Variants in CORIN observed in about 807,000 individuals in gnomAD.
CORIN encodes corin, serine peptidase.
A neutral mutation model predicts 125.3 loss-of-function variants in CORIN; 117 were observed. That is an observed-to-expected ratio of 0.93 (90% confidence interval 0.80 to 1.09). The LOEUF is 1.09. CORIN is among the 50% of genes least tolerant of loss of function. The pLI is 0.00. For missense variants in CORIN, 1,253 were observed against 1,306.7 expected (o/e 0.96, Z 0.63); for synonymous variants, 450 against 466.4 (o/e 0.96, Z 0.45).
intron 4 of CORIN, among the ~76,000 whole-genome samples, chr4:47,750,314 T>A (rs1005155027): frequency 1.3e-5 from 2 of 152,132 alleles, no homozygotes; most frequent in Admixed American, 1.3e-4. Context: ...TTGTCTCCCA[T>A]CAGAAGATAA....
At position 47,641,993 on chromosome 4, in the gene CORIN, T is replaced by C; in HGVS notation, c.2125A>G (p.Thr709Ala). ...SSFLMVHRAA[T>A]EHHVCADGWQ... ...CCATCTGCACACACATGGTGTTCTG[T>C]GGCAGCTCTGTGAACCATCAGAAAG... The change falls in exon 16 of 22, where the codon ACA (threonine) becomes GCA (alanine). Residue 709 changes from threonine to alanine, a missense_variant. By Grantham distance (58) the Thr-to-Ala change is moderately conservative. Coordinates refer to ENST00000273857, the MANE Select transcript of CORIN (RefSeq NM_006587.4). 6.2e-7 allele frequency: 1 copy of C among 1,613,664 alleles called. No individual in the cohort carries two copies. The highest frequency in any genetic ancestry group is 8.5e-7 in the Non-Finnish European group (1 of 1,179,670).
intron 5 of CORIN, among the ~76,000 whole-genome samples, chr4:47,740,817 T>A (rs1371996726): frequency 6.6e-6 from 1 of 151,978 alleles, no homozygotes; most frequent in East Asian, 1.9e-4. Context: ...TGGCCAATTG[T>A]TTTTTAACAA....
rs866381306 is a variant in CORIN at position 47,674,430 on chromosome 4, G to C, written c.1320C>G (p.Ser440Arg). ...GACTGTTGTTCGGGTCACAGAGAGA[G>C]CTACCACCACATGAATCAAGGCAGG... The part of the protein sequence containing the change: ...YNPCLDSCGG[S>R]SLCDPNNSLN... The change falls in exon 10 of 22, where the codon AGC becomes AGG. Residue 440 changes from serine (S) to arginine (R), a missense_variant. By Grantham distance (110) the Ser-to-Arg change is moderately radical (BLOSUM62 -1). Coordinates refer to ENST00000273857, the MANE Select transcript of CORIN (RefSeq NM_006587.4). 6 of 1,613,906 alleles carry C rather than the reference G, an allele frequency of 3.7e-6. No individual in the cohort carries two copies. The highest frequency in any genetic ancestry group is 3.3e-5 in the South Asian group (3 of 91,080).
At chr4:47,717,042 A>C (rs140464068) in intron 5 of CORIN, among the ~76,000 whole-genome samples, 1 of 152,212 alleles carries the variant, frequency 6.6e-6, no homozygotes, top group Non-Finnish European at 1.5e-5. Flanking sequence ...ATATTTTTAA[A>C]AGTTCAATTG....
chr4:47,653,598 C>A lies in CORIN; in HGVS notation c.1798G>T (p.Asp600Tyr). ...GQCVLASRRC[D>Y]GQADCDDDSD... is the part of the protein sequence containing the mutation. ...TCATCGTCACAGTCGGCCTGGCCATCACATCTTCTGGAAGCCAGAACACAC... is the reference window on the plus strand; with the variant it reads ...TCATCGTCACAGTCGGCCTGGCCATAACATCTTCTGGAAGCCAGAACACAC... Residue 600 changes from aspartate to tyrosine, a missense_variant, in exon 13 of 22, where the codon GAT (aspartate) becomes TAT (tyrosine). Coordinates refer to ENST00000273857, the MANE Select transcript of CORIN (RefSeq NM_006587.4). 1 of 1,614,104 alleles carries A rather than the reference C, an allele frequency of 6.2e-7. No individual in the cohort carries two copies. Among genetic ancestry groups the A allele is most frequent in the Non-Finnish European group, 8.5e-7 (1 of 1,179,968 alleles).
intron 3 of CORIN, among the ~76,000 whole-genome samples, chr4:47,779,615 T>C (rs776986840): frequency 1.3e-5 from 2 of 151,954 alleles, no homozygotes; most frequent in Admixed American, 6.6e-5. Context: ...TTTGTATTTT[T>C]AGTAGAGACA....
chr4:47,731,048 T>C (rs1050646637), intron 5 of CORIN, among the ~76,000 whole-genome samples: 2 of 152,084 alleles, frequency 1.3e-5, no homozygotes, highest in African/African-American at 2.4e-5. Context: ...ATTTTGACAG[T>C]TGAACCACTA....
chr4:47,762,927 C>G (rs977972344), intron 4 of CORIN, among the ~76,000 whole-genome samples: 8 of 152,116 alleles, frequency 5.3e-5, no homozygotes, highest in Admixed American at 1.3e-4. Context: ...CCCATAGATA[C>G]AACTCTCTCT....
intron 2 of CORIN, among the ~76,000 whole-genome samples, chr4:47,805,182 T>A (rs1731735106): frequency 6.7e-6 from 1 of 149,688 alleles, no homozygotes; most frequent in East Asian, 1.9e-4. Flanking sequence ...TAGAGTATAA[T>A]TGGATTATAA....
At chr4:47,836,153 G>A (rs1474919799) in intron 1 of CORIN, among the ~76,000 whole-genome samples, 1 of 152,082 alleles carries the variant, frequency 6.6e-6, no homozygotes, top group East Asian at 1.9e-4. Flanking sequence ...AAGCCCACAC[G>A]TGAGTCTATG....
chr4:47,781,900 T>G (rs1164980744), intron 3 of CORIN, among the ~76,000 whole-genome samples: 1 of 151,940 alleles, frequency 6.6e-6, no homozygotes, highest in Non-Finnish European at 1.5e-5. Context: ...ATCATGCCAC[T>G]GCACTCCAGC....
chr4:47,757,897 T>C (rs534279858), intron 4 of CORIN, among the ~76,000 whole-genome samples: 40 of 143,134 alleles, frequency 2.8e-4, no homozygotes, highest in African/African-American at 7.1e-4. Context: ...TATATATATA[T>C]ATATATATAC....
At chr4:47,792,594 T>C (rs538212244) in intron 2 of CORIN, among the ~76,000 whole-genome samples, 2 of 152,324 alleles carry the variant, frequency 1.3e-5, no homozygotes, top group South Asian at 4.1e-4. Flanking sequence ...CCCAACTGAA[T>C]TGGTGTCATA....
chr4:47,690,217 CT>C (rs1577831217), intron 6 of CORIN, among the ~76,000 whole-genome samples: 1 of 152,118 alleles, frequency 6.6e-6, no homozygotes. Flanking sequence ...TAAATCTGAA[CT>C]TTTTTATGGA....
intron 2 of CORIN, among the ~76,000 whole-genome samples, chr4:47,791,771 T>C (rs1731093165): frequency 6.6e-6 from 1 of 152,224 alleles, no homozygotes; most frequent in Admixed American, 6.5e-5. Flanking sequence ...TTAAAATTAA[T>C]TTCTTAGCTT....
chr4:47,706,282 A>G, intron 5 of CORIN: 8 of 872,026 alleles, frequency 9.2e-6, no homozygotes, highest in Non-Finnish European at 1.4e-5. Context: ...TGTTGGTATC[A>G]TAAGCTCTAA....
chr4:47,780,308 T>C (rs969507642), intron 3 of CORIN, among the ~76,000 whole-genome samples: 3 of 152,106 alleles, frequency 2.0e-5, no homozygotes, highest in Non-Finnish European at 2.9e-5. Context: ...GGCTATTAGG[T>C]TCTTCTTAGG....
intron 4 of CORIN, among the ~76,000 whole-genome samples, chr4:47,744,999 A>G (rs1400831517): frequency 1.3e-5 from 2 of 152,230 alleles, no homozygotes; most frequent in African/African-American, 4.8e-5. Context: ...GAGAAATTCA[A>G]GTATCTCTGA....
At chr4:47,670,106 A>T (rs953246374) in intron 10 of CORIN, among the ~76,000 whole-genome samples, 1 of 152,162 alleles carries the variant, frequency 6.6e-6, no homozygotes, top group Non-Finnish European at 1.5e-5. Flanking sequence ...CACGTTCCCC[A>T]TTCTTTCTAT....
Sources: gnomAD v4.1 joint callset for allele counts (sites outside exome capture counted in the v4.1 genomes callset) on GRCh38, gnomAD v4.1.1 for gene constraint, MANE v1.5 for transcripts, NCBI Gene and HGNC (gene_info 2026-07-23, HGNC 2026-07-21) for gene names.